LZTFL1: variants seen among roughly 807,000 people sequenced by gnomAD.
LZTFL1 encodes the protein leucine zipper transcription factor-like protein 1.
Under a neutral mutation model 45.9 loss-of-function variants are expected in LZTFL1, and 25 were observed. The ratio of observed to expected loss-of-function variants is 0.54; its 90% CI spans 0.40 to 0.76. The LOEUF is 0.76. Ranked by LOEUF, LZTFL1 falls within the 30% of genes least tolerant of loss-of-function variation. The pLI is 0.00. For missense variants in LZTFL1, 277 were observed against 331.1 expected (o/e 0.84, Z 1.27); for synonymous variants, 93 against 117.4 (o/e 0.79, Z 1.35).
chr3:45,914,499 C>T (rs1408450358), intron 1 of LZTFL1, among the ~76,000 whole-genome samples: 1 of 152,088 alleles, frequency 6.6e-6, no homozygotes, highest in Non-Finnish European at 1.5e-5. Flanking sequence ...GCCTTGAACT[C>T]CTGGCCTCAA....
rs189312794 is a variant in LZTFL1 at position 45,864,689 on chromosome 3, C to T, written c.-214-5673G>A. Among the ~76,000 whole-genome samples the T allele has an allele frequency of 2.1e-3, 314 of 152,124 alleles. 2 individuals are homozygous for T. The highest frequency in any genetic ancestry group is 6.8e-3 in the Middle Eastern group (2 of 294). ...GTACCATTTAATGTAGTCCTAGTAT[C>T]ATTAATTATTAAAAGAATATAAGAG... is the stretch of plus-strand genomic sequence containing the variant. On this transcript the variant is annotated intron_variant, in intron 2 of 4. Transcript: ENST00000472635.
At chr3:45,833,193 C>T in intron 4 of LZTFL1, 72 bp from the exon 5 acceptor site, 2 of 1,024,068 alleles carry the variant, frequency 2.0e-6, no homozygotes, top group South Asian at 2.6e-5. Flanking sequence ...AACACTTGCA[C>T]TTTGCAAGTG....
chr3:45,845,071 C>T (rs1197438630), upstream of LZTFL1, among the ~76,000 whole-genome samples: 1 of 152,178 alleles, frequency 6.6e-6, no homozygotes, highest in African/African-American at 2.4e-5. Flanking sequence ...GTGGGGAATA[C>T]CTTCTTGTAA....
In LZTFL1 at chr3:45,901,109, T is replaced by G. The variant is rs1277336616; in HGVS notation, c.-215+12011A>C. 1 of 1,614,224 alleles carries G rather than the reference T, an allele frequency of 6.2e-7. No individual in the cohort carries two copies. Among genetic ancestry groups the G allele is most frequent in the South Asian group, 1.1e-5 (1 of 91,088 alleles). On this transcript the variant is annotated intron_variant, in intron 2 of 4. Transcript: ENST00000472635. This position sits in a 1 kb window ranked among gnomAD's most constrained non-coding sequence, Gnocchi z 4.3. ...TCACTCTTCCCTTCTGGGCCATTGCTGCTGCTGACCAGTGGAAGTTCCAGA... is the reference window on the plus strand; with the variant it reads ...TCACTCTTCCCTTCTGGGCCATTGCGGCTGCTGACCAGTGGAAGTTCCAGA...
Position 45,908,867 on chromosome 3 carries a change from C to G in LZTFL1, c.-215+4253G>C, listed in dbSNP as rs1266627231. Among the ~76,000 whole-genome samples the G allele has an allele frequency of 6.6e-5, 10 of 152,340 alleles. No homozygotes were observed. The South Asian group carries it at 8.3e-4, about 13-fold the overall frequency. The stretch of plus-strand genomic sequence containing the variant: ...ACCCCTGGGCCACAGACCACTACTG[C>G]TCTGTGGCCTGTTAGGAACCAGGCT... On this transcript the variant is annotated intron_variant, in intron 2 of 4. Transcript: ENST00000472635.
intron 2 of LZTFL1, among the ~76,000 whole-genome samples, chr3:45,912,589 A>C (rs971226192): frequency 1.3e-5 from 2 of 152,174 alleles, no homozygotes; most frequent in Non-Finnish European, 2.9e-5. Flanking sequence ...GGTCAGGGAG[A>C]CCACATGGAG....
In LZTFL1 at chr3:45,912,293, A is replaced by G. The variant is rs533321781; in HGVS notation, c.-215+827T>C. 4.6e-5 allele frequency among the ~76,000 whole-genome samples: 7 copies of G among 152,352 alleles called. No individual in the cohort carries two copies. The East Asian group carries it at 1.3e-3, about 29-fold the overall frequency. ...AGGTGGAAATATGTGCAAGAAGGGAAGATTATAGACTCTTTGGTAGAAATA... is the reference window on the plus strand; with the variant it reads ...AGGTGGAAATATGTGCAAGAAGGGAGGATTATAGACTCTTTGGTAGAAATA... On this transcript the variant is annotated intron_variant, in intron 2 of 4. Coordinates refer to the LZTFL1 transcript ENST00000472635.
rs1278058777 is a variant in LZTFL1 at position 45,842,087 on chromosome 3, T to C, written c.-96A>G. The C allele has an allele frequency of 1.4e-5, 22 of 1,573,300 alleles. No homozygotes were observed. The highest frequency in any genetic ancestry group is 1.8e-5 in the Non-Finnish European group (21 of 1,162,484). The stretch of plus-strand genomic sequence containing the variant: ...CCGAGGGTAGTTGGACCACAGAAAA[T>C]GGGGAAGGAGGGTAGGTTGTTTAGA... On this transcript the variant is annotated 5_prime_UTR_variant, in exon 1 of 10. Coordinates refer to ENST00000296135, the MANE Select transcript of LZTFL1 (RefSeq NM_020347.4).
In LZTFL1 at chr3:45,862,293, A is replaced by G. The variant is rs187547166; in HGVS notation, c.-214-3277T>C. 4.6e-5 allele frequency among the ~76,000 whole-genome samples: 7 copies of G among 152,356 alleles called. No individual in the cohort carries two copies. The East Asian group carries it at 1.3e-3, about 29-fold the overall frequency. ...TGTACCAGCCAGGAACAGGCGGACC[A>G]GGCTGGAAAAACCCTTCAGCCTCCA... On this transcript the variant is annotated intron_variant, in intron 2 of 4. Coordinates refer to the LZTFL1 transcript ENST00000472635.
chr3:45,894,856 A>C, intron 2 of LZTFL1: 7 of 1,315,610 alleles, frequency 5.3e-6, no homozygotes, highest in Non-Finnish European at 7.7e-6. Flanking sequence ...TTTGGTTGTT[A>C]CTATTCGTTT....
intron 5 of LZTFL1, among the ~76,000 whole-genome samples, chr3:45,832,071 T>C (rs1025067530): frequency 2.0e-5 from 3 of 151,884 alleles, no homozygotes; most frequent in Non-Finnish European, 4.4e-5. Flanking sequence ...CCATCTCTAC[T>C]AAAAATACAA....
At position 45,900,510 on chromosome 3, in the gene LZTFL1, C is replaced by T. The variant is rs1008191043; in HGVS notation, c.-215+12610G>A. Among the ~76,000 whole-genome samples the T allele has an allele frequency of 2.0e-5, 3 of 152,124 alleles. No individual in the cohort carries two copies. The highest frequency in any genetic ancestry group is 1.9e-4 in the East Asian group (1 of 5,198). On this transcript the variant is annotated intron_variant, in intron 2 of 4. Transcript: ENST00000472635. The surrounding 1 kb of genome is among the most constrained non-coding windows in gnomAD (Gnocchi z 4.7). ...CATGCACACTATAAATGTTCATTTG[C>T]GTGTCTGGTTGCTCTATGGGTAGGT...
chr3:45,842,003 G>A lies in LZTFL1; in HGVS notation c.-12C>T. The A allele has an allele frequency of 1.2e-6, 2 of 1,609,522 alleles. No homozygotes were observed. Among genetic ancestry groups the A allele is most frequent in the South Asian group, 2.2e-5 (2 of 90,822 alleles). On this transcript the variant is annotated 5_prime_UTR_variant, in exon 1 of 10. Transcript: ENST00000296135. ...CGGTTACTCACCATGGCGGCAGGCAGCGGCGGCAGCCTAAAGGAACGGGAG... is the reference window on the plus strand; with the variant it reads ...CGGTTACTCACCATGGCGGCAGGCAACGGCGGCAGCCTAAAGGAACGGGAG...
chr3:45,844,467 G>A (rs1244003098), upstream of LZTFL1, among the ~76,000 whole-genome samples: 1 of 152,054 alleles, frequency 6.6e-6, no homozygotes, highest in Non-Finnish European at 1.5e-5. Context: ...AAAAAAATAG[G>A]TGATACACAG....
intron 2 of LZTFL1, among the ~76,000 whole-genome samples, chr3:45,890,077 C>A (rs1702100481): frequency 6.7e-6 from 1 of 149,994 alleles, no homozygotes; most frequent in Non-Finnish European, 1.5e-5. Flanking sequence ...AAACTCTTAC[C>A]AATGTCGTTA....
rs1227184768 is a variant in LZTFL1 at position 45,901,273 on chromosome 3, T to C, written c.-215+11847A>G. The C allele has an allele frequency of 2.5e-6, 4 of 1,614,102 alleles. No individual in the cohort carries two copies. The highest frequency in any genetic ancestry group is 3.4e-6 in the Non-Finnish European group (4 of 1,180,044). On this transcript the variant is annotated intron_variant, in intron 2 of 4. Transcript: ENST00000472635. The surrounding 1 kb of genome is among the most constrained non-coding windows in gnomAD (Gnocchi z 4.3). ...GCACATACTTGGAGGGAGAAAAGGC[T>C]TTTGTACAGCAAAATGGTTTGCTTT...
intron 2 of LZTFL1, among the ~76,000 whole-genome samples, chr3:45,904,507 A>T (rs1370658018): frequency 6.6e-6 from 1 of 152,130 alleles, no homozygotes. Flanking sequence ...CTCCTGAGAG[A>T]GCTGAGTGGC....
At chr3:45,841,604 G>C (rs1003019797) in intron 1 of LZTFL1, 2 of 292,162 alleles carry the variant, frequency 6.8e-6, no homozygotes, top group African/African-American at 2.1e-5. Context: ...GTTAATGTGT[G>C]TGTGTGCGTA....
intron 4 of LZTFL1, among the ~76,000 whole-genome samples, chr3:45,854,253 A>G: frequency 6.6e-6 from 1 of 152,140 alleles, no homozygotes; most frequent in East Asian, 1.9e-4. Flanking sequence ...CATCTGTTGC[A>G]TCTGAGGATG....
Sources: allele counts gnomAD v4.1 joint callset (sites outside exome capture counted in the v4.1 genomes callset), GRCh38; gene constraint gnomAD v4.1.1; non-coding constraint Gnocchi (gnomAD v3.1); transcripts MANE v1.5; gene names NCBI Gene and HGNC (gene_info 2026-07-23, HGNC 2026-07-21).